The following SUMF1 variants were observed in gnomAD, a reference collection of about 807,000 sequenced individuals.
SUMF1 encodes sulfatase modifying factor 1, also known as formylglycine-generating enzyme.
SUMF1 carries 48 observed loss-of-function variants against 47.6 expected under a neutral mutation model. The ratio of observed to expected loss-of-function variants is 1.01; its 90% CI spans 0.80 to 1.28. The LOEUF (loss-of-function observed/expected upper bound fraction) is 1.28, where lower values mean the gene tolerates loss of function less well. SUMF1 is among the 50% of genes most tolerant of loss of function. The pLI is 0.00. For missense variants in SUMF1, 571 were observed against 485.4 expected (o/e 1.18, Z -1.66); for synonymous variants, 230 against 192.1 (o/e 1.20, Z -1.63).
At chr3:4,236,089 A>AT (rs1211804075) in intron 8 of SUMF1, among the ~76,000 whole-genome samples, 1 of 152,116 alleles carries the variant, frequency 6.6e-6, no homozygotes. Flanking sequence ...ATAACCAGGC[A>AT]TGCATCACCA....
chr3:4,188,548 G>T (rs902625557), intron 8 of SUMF1, among the ~76,000 whole-genome samples: 3 of 152,024 alleles, frequency 2.0e-5, no homozygotes, highest in Admixed American at 1.3e-4. Context: ...TGGGCACTAG[G>T]TTTTCCACAA....
chr3:4,365,883 C>T (rs1699936328), intron 8 of SUMF1, among the ~76,000 whole-genome samples: 1 of 152,064 alleles, frequency 6.6e-6, no homozygotes, highest in Admixed American at 6.6e-5. Flanking sequence ...TTTAGTGTTT[C>T]CTTCAGGAGC....
chr3:4,453,192 C>T (rs1463864768), intron 1 of SUMF1, 143 bp from the exon 2 acceptor site: 1 of 808,352 alleles, frequency 1.2e-6, no homozygotes, highest in Non-Finnish European at 2.0e-6. Context: ...AAAAATCTCT[C>T]TATACCCCAA....
At chr3:4,324,662 T>A (rs1454160774) in intron 8 of SUMF1, among the ~76,000 whole-genome samples, 3 of 152,130 alleles carry the variant, frequency 2.0e-5, no homozygotes, top group Non-Finnish European at 4.4e-5. Context: ...TTACATCAGA[T>A]GAAGTAAACA....
rs985049299 is a variant in SUMF1, at chr3:4,350,090, T to C, written c.1014+26240A>G. Among the ~76,000 whole-genome samples, 102 of 151,812 alleles carry C rather than the reference T, an allele frequency of 6.7e-4. 2 individuals are homozygous for C. Among genetic ancestry groups the C allele is most frequent in the Non-Finnish European group, 2.5e-4 (17 of 67,958 alleles). On this transcript the variant is annotated intron_variant and NMD_transcript_variant, in intron 8 of 12. Transcript: ENST00000448413. ...ATCTTGGGTCACTGCAACCTCTGCC[T>C]TCCGTGTTTGAGCAATTCTCCTGCC...
chr3:4,369,324 C>T (rs1700096299), intron 8 of SUMF1, among the ~76,000 whole-genome samples: 1 of 152,178 alleles, frequency 6.6e-6, no homozygotes, highest in Non-Finnish European at 1.5e-5. Context: ...TTGATGGCAT[C>T]TCCTACTATG....
At chr3:4,125,446 G>C (rs1040592992) in intron 8 of SUMF1, among the ~76,000 whole-genome samples, 8 of 152,184 alleles carry the variant, frequency 5.3e-5, no homozygotes, top group African/African-American at 1.9e-4. Context: ...TATTCCAATA[G>C]ACATCAATCT....
At chr3:4,285,662 T>C (rs1252168226) in intron 8 of SUMF1, among the ~76,000 whole-genome samples, 1 of 152,148 alleles carries the variant, frequency 6.6e-6, no homozygotes, top group East Asian at 1.9e-4. Flanking sequence ...TCTCTGAGGA[T>C]GCATTTTGGG....
intron 8 of SUMF1, among the ~76,000 whole-genome samples, chr3:4,149,675 A>C (rs1164509958): frequency 1.3e-5 from 2 of 152,176 alleles, no homozygotes; most frequent in Non-Finnish European, 2.9e-5. Flanking sequence ...TGGCACAATT[A>C]AAATCTATGG....
intron 8 of SUMF1, among the ~76,000 whole-genome samples, chr3:4,208,419 G>A (rs74449765): frequency 0.022 from 3,135 of 144,240 alleles, 56 homozygotes; most frequent in Non-Finnish European, 0.028. Flanking sequence ...CAGTTACCCA[G>A]TATATCATGT....
At chr3:4,254,321 T>C (rs313663) in intron 8 of SUMF1, among the ~76,000 whole-genome samples, 23,856 of 148,736 alleles carry the variant, frequency 0.16, 2,170 homozygotes, top group South Asian at 0.37. Flanking sequence ...CTCTGAGCTA[T>C]GGGAGGACAT....
intron 8 of SUMF1, among the ~76,000 whole-genome samples, chr3:4,251,728 C>T (rs571668662): frequency 2.6e-5 from 4 of 152,214 alleles, no homozygotes; most frequent in African/African-American, 9.6e-5. Flanking sequence ...TATTATAAGG[C>T]TGTTTTACCT....
At chr3:4,363,122 A>T (rs1410433458) in intron 8 of SUMF1, among the ~76,000 whole-genome samples, 1 of 152,182 alleles carries the variant, frequency 6.6e-6, no homozygotes, top group African/African-American at 2.4e-5. Context: ...ATACAATAAG[A>T]ATATATATTA....
intron 8 of SUMF1, among the ~76,000 whole-genome samples, chr3:4,131,007 G>T (rs1037565452): frequency 2.0e-5 from 3 of 152,106 alleles, no homozygotes; most frequent in African/African-American, 7.2e-5. Context: ...GAGCCCTGTA[G>T]GATTTTGGAG....
chr3:4,389,720 T>TC (rs1011388292), intron 7 of SUMF1, among the ~76,000 whole-genome samples: 6 of 152,142 alleles, frequency 3.9e-5, no homozygotes, highest in East Asian at 1.9e-4. Flanking sequence ...CACTGATTTT[T>TC]CCCCCCTCTG....
chr3:4,109,423 G>C (rs1388141331), intron 8 of SUMF1, among the ~76,000 whole-genome samples: 1 of 152,014 alleles, frequency 6.6e-6, no homozygotes, highest in Non-Finnish European at 1.5e-5. Context: ...TCTTCTCGAG[G>C]AGTATCTTTG....
chr3:4,381,367 G>A (rs1255190880), intron 7 of SUMF1, among the ~76,000 whole-genome samples: 2 of 152,158 alleles, frequency 1.3e-5, no homozygotes, highest in African/African-American at 4.8e-5. Context: ...CGGATAAAAG[G>A]CTACAAATCG....
intron 7 of SUMF1, among the ~76,000 whole-genome samples, chr3:4,379,383 T>C (rs1480086872): frequency 1.3e-5 from 2 of 151,720 alleles, no homozygotes; most frequent in Non-Finnish European, 3.0e-5. Context: ...CAGAGAAGTC[T>C]ATGTGGTGAT....
chr3:4,443,533 G>A (rs1368724683), intron 3 of SUMF1, among the ~76,000 whole-genome samples: 1 of 152,188 alleles, frequency 6.6e-6, no homozygotes, highest in Non-Finnish European at 1.5e-5. Context: ...GGAGGCTGAG[G>A]TGGAAGGATT....
Sources: allele counts gnomAD v4.1 joint callset (sites outside exome capture counted in the v4.1 genomes callset), GRCh38; gene constraint gnomAD v4.1.1; transcripts MANE v1.5; gene names NCBI Gene and HGNC (gene_info 2026-07-23, HGNC 2026-07-21).